The following FAM107B variants were observed in gnomAD, a reference collection of about 807,000 sequenced individuals.
FAM107B encodes family with sequence similarity 107 member B, also known as protein FAM107B.
Under a neutral mutation model 31.5 loss-of-function variants are expected in FAM107B, and 21 were observed. The ratio of observed to expected loss-of-function variants is 0.67; its 90% CI spans 0.47 to 0.96. The LOEUF (loss-of-function observed/expected upper bound fraction) is 0.96, where lower values mean the gene tolerates loss of function less well. Ranked by LOEUF, FAM107B falls within the 40% of genes least tolerant of loss-of-function variation. The pLI is 0.00. For synonymous variants in FAM107B, 157 were observed against 141.5 expected (o/e 1.11, Z -0.78); for missense variants, 452 against 377.1 (o/e 1.20, Z -1.64).
rs1472637711 is a variant in FAM107B at position 14,530,492 on chromosome 10, G to A, written c.493C>T (p.His165Tyr). ...TSDSPPEDID[H>Y]KDSYLITRSI... ...CTTGTAATGAGATATGAGTCCTTAT[G>A]GTCAATATCCTCAGGTGGGCTGTCT... Residue 165 changes from histidine (H) to tyrosine (Y), a missense_variant, in exon 3 of 5, where the codon CAT becomes TAT. By Grantham distance (83) the His-to-Tyr change is moderately conservative. Transcript: ENST00000181796. 3.1e-6 allele frequency: 5 copies of A among 1,613,136 alleles called. No individual in the cohort carries two copies. The highest frequency in any genetic ancestry group is 3.4e-6 in the Non-Finnish European group (4 of 1,179,844).
chr10:14,683,960 T>C (rs1326166921), intron 1 of FAM107B, among the ~76,000 whole-genome samples: 1 of 152,250 alleles, frequency 6.6e-6, no homozygotes, highest in African/African-American at 2.4e-5. Flanking sequence ...CCATTTGGGC[T>C]GCTACAATGA....
chr10:14,561,325 CA>C (rs1476826435), intron 2 of FAM107B, among the ~76,000 whole-genome samples: 2 of 152,192 alleles, frequency 1.3e-5, no homozygotes, highest in African/African-American at 4.8e-5. Flanking sequence ...AAGTGCCATG[CA>C]GGGAAATACA....
intron 2 of FAM107B, among the ~76,000 whole-genome samples, chr10:14,578,817 C>A (rs1157561739): frequency 6.6e-6 from 1 of 152,172 alleles, no homozygotes; most frequent in African/African-American, 2.4e-5. Context: ...TTGTTGGGAA[C>A]AAACAATGAC....
intron 2 of FAM107B, among the ~76,000 whole-genome samples, chr10:14,628,004 AATT>A (rs769908827): frequency 4.6e-5 from 7 of 152,110 alleles, no homozygotes; most frequent in Non-Finnish European, 8.8e-5. Context: ...TATAAGCCAC[AATT>A]ATTATAAAAA....
intron 1 of FAM107B, among the ~76,000 whole-genome samples, chr10:14,730,622 G>A (rs1564277414): frequency 6.6e-6 from 1 of 152,348 alleles, no homozygotes; most frequent in East Asian, 1.9e-4. Flanking sequence ...TTCACCAATG[G>A]CATGATCTGG....
intron 2 of FAM107B, among the ~76,000 whole-genome samples, chr10:14,580,519 A>G (rs980122402): frequency 3.7e-4 from 56 of 152,216 alleles, no homozygotes; most frequent in Non-Finnish European, 3.8e-4. Context: ...CATTCTTAGA[A>G]AAAAAAATAA....
intron 2 of FAM107B, among the ~76,000 whole-genome samples, chr10:14,543,316 G>T (rs1848398927): frequency 6.6e-6 from 1 of 152,126 alleles, no homozygotes; most frequent in Non-Finnish European, 1.5e-5. Flanking sequence ...ATTGCAAGAA[G>T]AAAACTAGTA....
chr10:14,532,902 G>A (rs911484427), intron 2 of FAM107B, among the ~76,000 whole-genome samples: 1 of 152,200 alleles, frequency 6.6e-6, no homozygotes, highest in African/African-American at 2.4e-5. Context: ...TGTGACAGAA[G>A]AGCGGGCCGT....
intron 1 of FAM107B, chr10:14,723,581 T>G (rs1855962979): frequency 1.5e-6 from 1 of 668,674 alleles, no homozygotes; most frequent in Non-Finnish European, 2.8e-6. Flanking sequence ...GGAAAGGCTA[T>G]GTCCACATAG....
At chr10:14,752,931 CA>C (rs5783419) in intron 1 of FAM107B, among the ~76,000 whole-genome samples, 57,308 of 142,610 alleles carry the variant, frequency 0.4, 11,881 homozygotes, top group African/African-American at 0.6. Flanking sequence ...GACCCTGTCT[CA>C]AAAAAAAAAA....
At chr10:14,756,865 A>T (rs1000349498) in intron 1 of FAM107B, among the ~76,000 whole-genome samples, 1 of 152,216 alleles carries the variant, frequency 6.6e-6, no homozygotes, top group Non-Finnish European at 1.5e-5. Context: ...TTGCAGGGAC[A>T]TGGATGGAAC....
intron 1 of FAM107B, among the ~76,000 whole-genome samples, chr10:14,693,059 A>G (rs1855179669): frequency 1.3e-5 from 2 of 152,234 alleles, no homozygotes; most frequent in African/African-American, 4.8e-5. Context: ...CAACCCAGCC[A>G]TGGTAAATGA....
chr10:14,667,312 AATG>A (rs1484397398), intron 2 of FAM107B, among the ~76,000 whole-genome samples: 2 of 152,256 alleles, frequency 1.3e-5, no homozygotes, highest in African/African-American at 2.4e-5. Flanking sequence ...TTCAGTAAAT[AATG>A]ATACTTCTTA....
intron 1 of FAM107B, among the ~76,000 whole-genome samples, chr10:14,772,353 T>TAAAAA (rs201097631): frequency 2.5e-4 from 36 of 142,948 alleles, no homozygotes; most frequent in African/African-American, 1.0e-3. Context: ...GACTCCATCT[T>TAAAAA]AAAAAAAAAA....
intron 1 of FAM107B, among the ~76,000 whole-genome samples, chr10:14,728,163 C>G (rs1001036844): frequency 6.6e-6 from 1 of 152,290 alleles, no homozygotes; most frequent in South Asian, 2.1e-4. Flanking sequence ...GGCTCAAAGC[C>G]ATGACTTGGA....
At chr10:14,548,577 A>C in intron 2 of FAM107B, 2 of 985,384 alleles carry the variant, frequency 2.0e-6, no homozygotes, top group Non-Finnish European at 2.4e-6. Flanking sequence ...CAGCTGCCCC[A>C]GATACACATG....
At chr10:14,717,761 C>CA (rs397821091) in intron 1 of FAM107B, among the ~76,000 whole-genome samples, 13 of 151,086 alleles carry the variant, frequency 8.6e-5, no homozygotes, top group African/African-American at 3.2e-4. Flanking sequence ...CTCCCAGACA[C>CA]CCAAGAGCAA....
chr10:14,688,519 C>T lies in FAM107B; in HGVS notation c.412-20828G>A, dbSNP rs146190028. 7.5e-3 allele frequency among the ~76,000 whole-genome samples: 1,137 copies of T among 152,240 alleles called. 9 individuals are homozygous for T. Among genetic ancestry groups the T allele is most frequent in the Non-Finnish European group, 0.011 (752 of 68,018 alleles). On this transcript the variant is annotated intron_variant, in intron 1 of 4. Coordinates refer to ENST00000181796, the MANE Select transcript of FAM107B (RefSeq NM_031453.4). ...CACAACCAACCAAAAGTCAACCAAA[C>T]GACAAACAATAAACTCATTAAAAAG... is the stretch of plus-strand genomic sequence containing the variant.
intron 1 of FAM107B, among the ~76,000 whole-genome samples, chr10:14,733,319 A>G (rs1031554260): frequency 2.0e-5 from 3 of 152,138 alleles, no homozygotes; most frequent in African/African-American, 7.2e-5. Context: ...ATTTTTCATC[A>G]ACGGAGATCA....
Sources: allele counts gnomAD v4.1 joint callset (sites outside exome capture counted in the v4.1 genomes callset), GRCh38; gene constraint gnomAD v4.1.1; transcripts MANE v1.5; gene names NCBI Gene and HGNC (gene_info 2026-07-23, HGNC 2026-07-21).